Variants in MTERF3 observed in about 807,000 individuals in gnomAD.
The protein encoded by MTERF3 is transcription termination factor 3, mitochondrial.
In MTERF3, 40 loss-of-function variants were observed where a neutral mutation model predicts 40.5. That is an observed-to-expected ratio of 0.99 (90% CI 0.77 to 1.29). The LOEUF (loss-of-function observed/expected upper bound fraction) is 1.29, where lower values mean the gene tolerates loss of function less well. MTERF3 is among the 50% of genes most tolerant of loss of function. The pLI, the probability that MTERF3 is intolerant of heterozygous loss-of-function variation, is 0.00. For synonymous variants in MTERF3, 158 were observed against 166.6 expected (o/e 0.95, Z 0.40); for missense variants, 452 against 478.2 (o/e 0.95, Z 0.51).
chr8:96,240,180 G>A (rs1309339138), intron 7 of MTERF3, among the ~76,000 whole-genome samples: 4 of 151,782 alleles, frequency 2.6e-5, no homozygotes, highest in Admixed American at 6.6e-5. Context: ...CCCAGGAGAC[G>A]GAGGTTGCAG....
chr8:96,257,366 TA>T (rs1437657564), intron 2 of MTERF3: 1 of 323,096 alleles, frequency 3.1e-6, no homozygotes, highest in Non-Finnish European at 5.6e-6. Context: ...TTCCTTCACT[TA>T]ATCAGTAGGT....
intron 6 of MTERF3, among the ~76,000 whole-genome samples, chr8:96,245,649 A>C (rs1480623356): frequency 6.6e-6 from 1 of 152,242 alleles, no homozygotes; most frequent in Non-Finnish European, 1.5e-5. Context: ...AAGGTGATTT[A>C]CTCAGGTTAA....
chr8:96,255,803 T>C (rs1306589165), intron 3 of MTERF3, among the ~76,000 whole-genome samples: 1 of 151,858 alleles, frequency 6.6e-6, no homozygotes, highest in South Asian at 2.1e-4. Flanking sequence ...TCCCCACATA[T>C]CTGAAAACAT....
At chr8:96,258,148 TATAAA>T in intron 2 of MTERF3, 1 of 684,952 alleles carries the variant, frequency 1.5e-6, no homozygotes, top group South Asian at 6.5e-5. Context: ...TATGTGTAGC[TATAAA>T]ATAATCTTAC....
At chr8:96,250,600 C>T (rs1166213291) in intron 4 of MTERF3, among the ~76,000 whole-genome samples, 1 of 83,986 alleles carries the variant, frequency 1.2e-5, no homozygotes, top group Non-Finnish European at 2.6e-5. Flanking sequence ...CACCCAGCTA[C>T]TTGGGAGGCT....
intron 3 of MTERF3, among the ~76,000 whole-genome samples, 154 bp downstream of exon 3, chr8:96,256,808 C>G (rs1368996120): frequency 6.6e-6 from 1 of 152,178 alleles, no homozygotes; most frequent in Non-Finnish European, 1.5e-5. Context: ...AAGGATGAGG[C>G]AGGGAATACG....
chr8:96,242,859 A>C (rs1809953597), intron 7 of MTERF3, among the ~76,000 whole-genome samples: 1 of 152,166 alleles, frequency 6.6e-6, no homozygotes, highest in Non-Finnish European at 1.5e-5. Context: ...AATGTGTAGC[A>C]CTGATGGATG....
At chr8:96,256,640 AG>A (rs1810284513) in intron 3 of MTERF3, among the ~76,000 whole-genome samples, 1 of 152,200 alleles carries the variant, frequency 6.6e-6, no homozygotes, top group Non-Finnish European at 1.5e-5. Flanking sequence ...ATACAGGAAA[AG>A]TACATGTGTA....
intron 4 of MTERF3, among the ~76,000 whole-genome samples, chr8:96,250,661 A>AGAC (rs1810150063): frequency 3.1e-5 from 1 of 31,888 alleles, no homozygotes; most frequent in African/African-American, 1.3e-4. Context: ...AAGAAGAAGA[A>AGAC]GAAGAAGAAG....
intron 6 of MTERF3, among the ~76,000 whole-genome samples, chr8:96,245,062 C>A (rs1009863462): frequency 1.2e-4 from 18 of 152,140 alleles, no homozygotes; most frequent in African/African-American, 4.3e-4. Flanking sequence ...CAAACACAGG[C>A]CGGGTCCTCT....
intron 4 of MTERF3, among the ~76,000 whole-genome samples, chr8:96,248,597 G>T (rs1810065086): frequency 6.6e-6 from 1 of 152,164 alleles, no homozygotes; most frequent in South Asian, 2.1e-4. Context: ...CAAAGTAGGA[G>T]AAAAGGAGGT....
In MTERF3 at chr8:96,241,358, C is replaced by T. The variant is rs1047260470; in HGVS notation, c.1060-1673G>A. Among the ~76,000 whole-genome samples the T allele has an allele frequency of 2.0e-5, 3 of 151,042 alleles. No individual in the cohort carries two copies. In the East Asian group the frequency reaches 5.8e-4, roughly 29 times the overall value. ...CCGGGAGGCGGCGGTTGCACTGAGC[C>T]GAGATCACGCCACTGCACTCCAGCC... On this transcript the variant is annotated intron_variant, in intron 7 of 7. Transcript: ENST00000287025.
chr8:96,253,157 C>G (rs547892626), intron 3 of MTERF3, among the ~76,000 whole-genome samples: 1 of 152,134 alleles, frequency 6.6e-6, no homozygotes, highest in Non-Finnish European at 1.5e-5. Flanking sequence ...GGCTATACAA[C>G]GTGCCCTGGA....
In MTERF3 at chr8:96,243,985, G is replaced by T; in HGVS notation, c.993C>A (p.Thr331=). 1 of 1,614,068 alleles carries T rather than the reference G, an allele frequency of 6.2e-7. No homozygotes were observed. The highest frequency in any genetic ancestry group is 8.5e-7 in the Non-Finnish European group (1 of 1,179,986). The change falls in exon 7 of 8, where the codon ACC becomes ACA. Residue 331 remains threonine (T), a synonymous_variant. Transcript: ENST00000287025. The part of the protein sequence containing the change: ...KMLTANKMKL[T]ETFDFVHNVM... ...CATTGTGCACAAAATCAAACGTCTC[G>T]GTAAGTTTCATTTTATTTGCAGTTA...
intron 4 of MTERF3, among the ~76,000 whole-genome samples, chr8:96,250,622 A>AGACGAAGAC (rs1563548620): frequency 2.4e-4 from 3 of 12,400 alleles, no homozygotes; most frequent in East Asian, 1.2e-3. Flanking sequence ...AGGCAGAAGA[A>AGACGAAGAC]GAAGAAGAAG....
chr8:96,239,947 CAG>C (rs1809891885), intron 7 of MTERF3: 1 of 628,994 alleles, frequency 1.6e-6, no homozygotes, highest in South Asian at 1.8e-5. Context: ...GCTCCAGAGA[CAG>C]AGGAGAATGT....
chr8:96,250,683 G>GACGAAGAAGACGAAGAA (rs1479466031), intron 4 of MTERF3, among the ~76,000 whole-genome samples: 1 of 58,860 alleles, frequency 1.7e-5, no homozygotes, highest in African/African-American at 6.8e-5. Flanking sequence ...AGAAGAAGAA[G>GACGAAGAAGACGAAGAA]GAGGAGGAGG....
chr8:96,256,263 A>G (rs1472155013), intron 3 of MTERF3, among the ~76,000 whole-genome samples: 1 of 152,218 alleles, frequency 6.6e-6, no homozygotes, highest in Non-Finnish European at 1.5e-5. Context: ...GAGTAGGCCT[A>G]GAAACCATTC....
chr8:96,249,512 G>T (rs1387405174), intron 4 of MTERF3, among the ~76,000 whole-genome samples: 1 of 152,150 alleles, frequency 6.6e-6, no homozygotes, highest in Non-Finnish European at 1.5e-5. Flanking sequence ...TGTTTTTGAT[G>T]TCTAAAGTTT....
Sources: allele counts gnomAD v4.1 joint callset (sites outside exome capture counted in the v4.1 genomes callset), GRCh38; gene constraint gnomAD v4.1.1; transcripts MANE v1.5; gene names NCBI Gene and HGNC (gene_info 2026-07-23, HGNC 2026-07-21).